The following ZNF804B variants were observed in gnomAD, a reference collection of about 807,000 sequenced individuals.
ZNF804B encodes the protein zinc finger 804B.
A neutral mutation model predicts 101.4 loss-of-function variants in ZNF804B; 80 were observed. The observed-to-expected ratio is 0.79, with a 90% CI of 0.66 to 0.95. ZNF804B has a LOEUF of 0.95. Ranked by LOEUF, ZNF804B falls within the 40% of genes least tolerant of loss-of-function variation. ZNF804B has a pLI of 0.00. For synonymous variants in ZNF804B, 622 were observed against 558.8 expected (o/e 1.11, Z -1.59); for missense variants, 1,673 against 1,561.9 (o/e 1.07, Z -1.20).
chr7:89,012,895 A>C (rs1562859522), intron 1 of ZNF804B, among the ~76,000 whole-genome samples: 2 of 152,184 alleles, frequency 1.3e-5, no homozygotes, highest in Non-Finnish European at 2.9e-5. Flanking sequence ...ATTTATAAAG[A>C]AAAGAGGTTT....
intron 1 of ZNF804B, among the ~76,000 whole-genome samples, chr7:88,998,453 G>C (rs1355669705): frequency 6.6e-6 from 1 of 151,994 alleles, no homozygotes; most frequent in South Asian, 2.1e-4. Flanking sequence ...CCATGGATTG[G>C]GAGAGCAGAG....
chr7:89,045,554 G>A (rs1789091843), intron 1 of ZNF804B, among the ~76,000 whole-genome samples: 2 of 152,206 alleles, frequency 1.3e-5, no homozygotes, highest in South Asian at 4.1e-4. Flanking sequence ...AAGGTGGTGG[G>A]AGCCCAACAC....
intron 1 of ZNF804B, among the ~76,000 whole-genome samples, chr7:88,845,703 A>T (rs992481332): frequency 3.9e-5 from 6 of 152,098 alleles, no homozygotes; most frequent in African/African-American, 1.4e-4. Context: ...CAAAAGCAGA[A>T]TACAAGTCAC....
intron 1 of ZNF804B, among the ~76,000 whole-genome samples, chr7:88,835,279 G>A (rs1296981004): frequency 6.6e-6 from 1 of 151,740 alleles, no homozygotes; most frequent in East Asian, 1.9e-4. Context: ...AATAGAAGTA[G>A]CTACACCTTC....
At chr7:88,783,280 T>C (rs561492175) in intron 1 of ZNF804B, among the ~76,000 whole-genome samples, 2 of 152,236 alleles carry the variant, frequency 1.3e-5, no homozygotes, top group East Asian at 3.9e-4. Flanking sequence ...TGTGTGGATT[T>C]TGGGAAAAAT....
intron 1 of ZNF804B, among the ~76,000 whole-genome samples, chr7:88,877,007 A>AATAT (rs1198344173): frequency 4.0e-5 from 3 of 75,216 alleles, no homozygotes; most frequent in African/African-American, 1.9e-4. Context: ...TGAAAAAAAA[A>AATAT]ATATATATAT....
intron 1 of ZNF804B, among the ~76,000 whole-genome samples, chr7:89,006,038 TG>T (rs1423206832): frequency 6.6e-6 from 1 of 152,158 alleles, no homozygotes; most frequent in Non-Finnish European, 1.5e-5. Flanking sequence ...TAATGGTTTT[TG>T]TAATTAGATT....
intron 1 of ZNF804B, among the ~76,000 whole-genome samples, chr7:88,949,868 C>A (rs1793191265): frequency 6.6e-6 from 1 of 151,800 alleles, no homozygotes; most frequent in South Asian, 2.1e-4. Flanking sequence ...GGTTTGTAGC[C>A]TAGGAGCGGT....
At chr7:89,069,487 A>G (rs566470543) in intron 1 of ZNF804B, among the ~76,000 whole-genome samples, 2 of 151,600 alleles carry the variant, frequency 1.3e-5, no homozygotes, top group South Asian at 4.2e-4. Flanking sequence ...TCACTATTTG[A>G]TTCATTCCTT....
Position 89,218,165 on chromosome 7 carries a change from A to C in ZNF804B, c.119A>C (p.Glu40Ala). 1 of 1,611,996 alleles carries C rather than the reference A, an allele frequency of 6.2e-7. No individual in the cohort carries two copies. Among genetic ancestry groups the C allele is most frequent in the East Asian group, 2.2e-5 (1 of 44,810 alleles). ...TATTTTTTCTTAAAGGATTTTGCAG[A>C]AAAGAAGTCCACAGCAAAGGCCCTG... ...KNGSPSPDFA[E>A]KKSTAKALED... Residue 40 changes from glutamate to alanine, a missense_variant, in exon 2 of 4, where the codon GAA becomes GCA. Physicochemically the swap from Glu to Ala is moderately radical, Grantham distance 107. Transcript: ENST00000333190.
Position 89,174,267 on chromosome 7 carries a change from G to A in ZNF804B, c.109-43888G>A, listed in dbSNP as rs1357063970. Among the ~76,000 whole-genome samples the A allele has an allele frequency of 2.6e-4, 40 of 151,794 alleles. 1 individual carries two copies. Among genetic ancestry groups the A allele is most frequent in the Admixed American group, 2.6e-3 (40 of 15,228 alleles). On this transcript the variant is annotated intron_variant, in intron 1 of 3. Coordinates refer to ENST00000333190, the MANE Select transcript of ZNF804B (RefSeq NM_181646.5). ...CACTCACTACCCTTCCCAGCCTCTGGTAACCATCCTTCTACTCTCCATCTC... is the reference window on the plus strand; with the variant it reads ...CACTCACTACCCTTCCCAGCCTCTGATAACCATCCTTCTACTCTCCATCTC...
At chr7:89,120,271 G>T (rs926066796) in intron 1 of ZNF804B, among the ~76,000 whole-genome samples, 1 of 151,890 alleles carries the variant, frequency 6.6e-6, no homozygotes, top group Admixed American at 6.6e-5. Context: ...CTGGGCAACC[G>T]AGCAAGAACT....
At chr7:89,305,796 CAT>C (rs1790553554) in intron 2 of ZNF804B, among the ~76,000 whole-genome samples, 1 of 151,768 alleles carries the variant, frequency 6.6e-6, no homozygotes, top group Non-Finnish European at 1.5e-5. Context: ...TTTTGATACA[CAT>C]ATTTATTTGA....
Position 88,900,379 on chromosome 7 carries a change from C to G in ZNF804B, c.108+140295C>G, listed in dbSNP as rs546342103. ...GATATTGCATTCCTATTAGATTTTA[C>G]TTGCTTTAAAAAAGCATGTAGAACA... On this transcript the variant is annotated intron_variant, in intron 1 of 3. Coordinates refer to ENST00000333190, the MANE Select transcript of ZNF804B (RefSeq NM_181646.5). Among the ~76,000 whole-genome samples the G allele has an allele frequency of 1.5e-4, 23 of 151,832 alleles. 1 individual carries two copies. Among genetic ancestry groups the G allele is most frequent in the African/African-American group, 4.8e-4 (20 of 41,466 alleles).
At chr7:89,030,332 C>T (rs573168397) in intron 1 of ZNF804B, among the ~76,000 whole-genome samples, 6 of 152,264 alleles carry the variant, frequency 3.9e-5, no homozygotes, top group Non-Finnish European at 5.9e-5. Flanking sequence ...GGAGAATAAA[C>T]GTCCTTGGAT....
At chr7:88,864,802 C>T (rs984347996) in intron 1 of ZNF804B, among the ~76,000 whole-genome samples, 13 of 152,082 alleles carry the variant, frequency 8.5e-5, no homozygotes, top group African/African-American at 3.1e-4. Context: ...GCAGTGGCAG[C>T]TATGGTGGAA....
intron 2 of ZNF804B, among the ~76,000 whole-genome samples, chr7:89,267,630 G>A (rs1203278779): frequency 2.0e-5 from 3 of 152,112 alleles, no homozygotes. Context: ...AGGACTTCTG[G>A]TTGTCCACAG....
chr7:88,945,700 T>C (rs1324686907), intron 1 of ZNF804B, among the ~76,000 whole-genome samples: 2 of 152,290 alleles, frequency 1.3e-5, no homozygotes, highest in South Asian at 2.1e-4. Context: ...ATTTTCATGA[T>C]ATTGATTCTT....
Position 88,795,465 on chromosome 7 carries a change from A to T in ZNF804B, c.108+35381A>T, listed in dbSNP as rs551831217. Among the ~76,000 whole-genome samples, 5 of 152,188 alleles carry T rather than the reference A, an allele frequency of 3.3e-5. No homozygotes were observed. The East Asian group carries it at 9.7e-4, about 29-fold the overall frequency. ...ATAACAGTAAACATTTCAAGGGAAAAGTTTTGGTTCTTTGTTTTTTCTCCT... is the reference window on the plus strand; with the variant it reads ...ATAACAGTAAACATTTCAAGGGAAATGTTTTGGTTCTTTGTTTTTTCTCCT... On this transcript the variant is annotated intron_variant, in intron 1 of 3. Transcript: ENST00000333190.
Sources: allele counts gnomAD v4.1 joint callset (sites outside exome capture counted in the v4.1 genomes callset), GRCh38; gene constraint gnomAD v4.1.1; transcripts MANE v1.5; gene names NCBI Gene and HGNC (gene_info 2026-07-23, HGNC 2026-07-21).